MACROD2: variants seen among roughly 807,000 people sequenced by gnomAD.
The protein encoded by MACROD2 is mono-ADP ribosylhydrolase 2.
A neutral mutation model predicts 70.4 loss-of-function variants in MACROD2; 36 were observed. The ratio of observed to expected loss-of-function variants is 0.51; its 90% CI spans 0.39 to 0.68. The LOEUF (loss-of-function observed/expected upper bound fraction) is 0.68, where lower values mean the gene tolerates loss of function less well. Ranked by LOEUF, MACROD2 falls within the 30% of genes least tolerant of loss-of-function variation. The probability of loss-of-function intolerance (pLI) is 0.00; values close to 1 mark genes in which losing one functional copy is unlikely to be tolerated. For missense variants in MACROD2, 496 were observed against 538.4 expected, an observed-to-expected ratio of 0.92 and a Z score of 0.78; for synonymous variants, 172 against 178.8, an observed-to-expected ratio of 0.96 and a Z score of 0.30.
intron 5 of MACROD2, among the ~76,000 whole-genome samples, chr20:14,932,003 TAAAAA>T (rs11483683): frequency 2.9e-5 from 4 of 135,982 alleles, no homozygotes; most frequent in African/African-American, 8.3e-5. Flanking sequence ...CCCTGTTTCT[TAAAAA>T]AAAAAAAAAA....
chr20:15,210,030 C>G (rs2076747855), intron 5 of MACROD2, among the ~76,000 whole-genome samples: 1 of 152,182 alleles, frequency 6.6e-6, no homozygotes, highest in Non-Finnish European at 1.5e-5. Flanking sequence ...CATCTGAGGG[C>G]TTCAGATCTT....
intron 5 of MACROD2, among the ~76,000 whole-genome samples, chr20:14,714,726 T>A (rs1180401744): frequency 6.6e-6 from 1 of 152,076 alleles, no homozygotes; most frequent in Non-Finnish European, 1.5e-5. Context: ...CTCCTACTTA[T>A]CCTTCACATC....
intron 5 of MACROD2, among the ~76,000 whole-genome samples, chr20:15,153,077 A>G (rs1373991158): frequency 2.6e-5 from 4 of 152,074 alleles, no homozygotes; most frequent in African/African-American, 4.8e-5. Flanking sequence ...GATCTTTCTC[A>G]TGGAGCAAAG....
At chr20:14,485,463 A>T in intron 3 of MACROD2, among the ~76,000 whole-genome samples, 1 of 152,216 alleles carries the variant, frequency 6.6e-6, no homozygotes, top group Non-Finnish European at 1.5e-5. Flanking sequence ...GCACTTTGGG[A>T]GGCTGAGGCG....
chr20:15,748,506 C>T (rs117454686), intron 8 of MACROD2, among the ~76,000 whole-genome samples: 1,860 of 152,024 alleles, frequency 0.012, 26 homozygotes, highest in East Asian at 0.069. Flanking sequence ...ATTAGTTCAG[C>T]CTTCTTTCAA....
chr20:15,299,793 T>G (rs1037360780), intron 6 of MACROD2, among the ~76,000 whole-genome samples: 12 of 152,196 alleles, frequency 7.9e-5, no homozygotes, highest in African/African-American at 2.9e-4. Context: ...ATTAGATCCT[T>G]TGACTGCTGG....
chr20:14,821,221 T>C (rs982117536), intron 5 of MACROD2, among the ~76,000 whole-genome samples: 3 of 152,070 alleles, frequency 2.0e-5, no homozygotes, highest in Admixed American at 6.6e-5. Context: ...TTTTTCAGTA[T>C]ACTAAAATGA....
chr20:14,268,156 T>G (rs533050606), intron 3 of MACROD2, among the ~76,000 whole-genome samples: 1 of 152,266 alleles, frequency 6.6e-6, no homozygotes, highest in East Asian at 1.9e-4. Context: ...TAGTTGTGGT[T>G]GTTTCTGAAG....
intron 7 of MACROD2, among the ~76,000 whole-genome samples, chr20:15,442,684 T>C (rs1365414042): frequency 1.3e-5 from 2 of 152,102 alleles, no homozygotes; most frequent in Non-Finnish European, 2.9e-5. Context: ...ACAATTCTAT[T>C]ACATGGAAAG....
At chr20:15,633,611 C>G (rs989259566) in intron 8 of MACROD2, among the ~76,000 whole-genome samples, 2 of 151,974 alleles carry the variant, frequency 1.3e-5, no homozygotes, top group African/African-American at 4.8e-5. Flanking sequence ...TACCATTCCA[C>G]TGTCATGATC....
chr20:14,548,093 G>T (rs907470104), intron 4 of MACROD2, among the ~76,000 whole-genome samples: 38 of 152,174 alleles, frequency 2.5e-4, no homozygotes, highest in African/African-American at 8.9e-4. Flanking sequence ...GCAAAGCCAC[G>T]TCGCAAAGGG....
At chr20:15,047,384 ACTGG>A (rs887551832) in intron 5 of MACROD2, among the ~76,000 whole-genome samples, 2 of 152,172 alleles carry the variant, frequency 1.3e-5, no homozygotes, top group African/African-American at 4.8e-5. Context: ...CAAAACACTT[ACTGG>A]CAGCAATCAT....
At chr20:14,110,499 A>G (rs1048008930) in intron 3 of MACROD2, among the ~76,000 whole-genome samples, 3 of 152,044 alleles carry the variant, frequency 2.0e-5, no homozygotes, top group Non-Finnish European at 4.4e-5. Flanking sequence ...CTTCACCAAA[A>G]AACAAATAGA....
chr20:15,580,659 C>T (rs2048510946), intron 8 of MACROD2, among the ~76,000 whole-genome samples: 1 of 152,164 alleles, frequency 6.6e-6, no homozygotes, highest in Non-Finnish European at 1.5e-5. Context: ...CCTCTTTACC[C>T]TCTGAAGGTT....
At position 14,397,080 on chromosome 20, in the gene MACROD2, C is replaced by T. The variant is rs1199213646; in HGVS notation, c.272-96399C>T. Among the ~76,000 whole-genome samples, 31 of 149,368 alleles carry T rather than the reference C, an allele frequency of 2.1e-4. 1 individual carries two copies. Among genetic ancestry groups the T allele is most frequent in the East Asian group, 1.0e-3 (5 of 4,998 alleles). On this transcript the variant is annotated intron_variant, in intron 3 of 17. Coordinates refer to ENST00000684519, the MANE Select transcript of MACROD2 (RefSeq NM_001351661.2). ...CGCAATCTCGGCTCACTGCAAGCTCCGCCTTCTGGGTTCACACCATTCTCC... is the reference window on the plus strand; with the variant it reads ...CGCAATCTCGGCTCACTGCAAGCTCTGCCTTCTGGGTTCACACCATTCTCC...
intron 5 of MACROD2, among the ~76,000 whole-genome samples, chr20:14,874,346 A>T (rs2073524894): frequency 6.8e-6 from 1 of 147,628 alleles, no homozygotes; most frequent in Admixed American, 6.8e-5. Flanking sequence ...CTTTTTTAAG[A>T]GTGTATTTGT....
intron 5 of MACROD2, among the ~76,000 whole-genome samples, chr20:15,107,783 T>A (rs1328366261): frequency 6.6e-6 from 1 of 152,130 alleles, no homozygotes; most frequent in East Asian, 1.9e-4. Flanking sequence ...GTGTTTGTTG[T>A]TGTTGTTTTA....
At position 14,764,102 on chromosome 20, in the gene MACROD2, C is replaced by T. The variant is rs769631174; in HGVS notation, c.418+79143C>T. Reference sequence around the variant, plus strand: ...GGCTGATGTGTTTGCTGGCATTACCCGACTCCCTTGCCATTTCTTATGGTG... The same window carrying T: ...GGCTGATGTGTTTGCTGGCATTACCTGACTCCCTTGCCATTTCTTATGGTG... On this transcript the variant is annotated intron_variant, in intron 5 of 17. Transcript: ENST00000684519. Among the ~76,000 whole-genome samples, 14 of 152,012 alleles carry T rather than the reference C, an allele frequency of 9.2e-5. No homozygotes were observed. The South Asian group carries it at 1.7e-3, about 18-fold the overall frequency.
chr20:14,003,153 A>G (rs1490594531), intron 2 of MACROD2, among the ~76,000 whole-genome samples: 1 of 152,226 alleles, frequency 6.6e-6, no homozygotes, highest in Admixed American at 6.5e-5. Context: ...ATGGACTTGA[A>G]ACATGCTAAT....
Sources: allele counts gnomAD v4.1 joint callset (sites outside exome capture counted in the v4.1 genomes callset), GRCh38; gene constraint gnomAD v4.1.1; transcripts MANE v1.5; gene names NCBI Gene and HGNC (gene_info 2026-07-23, HGNC 2026-07-21).